EIPR1: variants seen among roughly 807,000 people sequenced by gnomAD.
EIPR1 encodes EARP complex and GARP complex interacting protein 1.
EIPR1 carries 25 observed loss-of-function variants against 48.1 expected under a neutral mutation model. That is an observed-to-expected ratio of 0.52 (90% CI 0.38 to 0.73). EIPR1 has a LOEUF of 0.73. Ranked by LOEUF, EIPR1 falls within the 30% of genes least tolerant of loss-of-function variation. The probability of loss-of-function intolerance (pLI) is 0.00; values close to 1 mark genes in which losing one functional copy is unlikely to be tolerated. For missense variants in EIPR1, 415 were observed against 506.2 expected, an observed-to-expected ratio of 0.82 and a Z score of 1.73; for synonymous variants, 204 against 201.9, an observed-to-expected ratio of 1.01 and a Z score of -0.09.
rs1316533109 is a variant in EIPR1 at position 3,372,093 on chromosome 2, C to A, written c.42+5555G>T. Among the ~76,000 whole-genome samples the A allele has an allele frequency of 2.0e-5, 3 of 151,160 alleles. No individual in the cohort carries two copies. The East Asian group carries it at 5.8e-4, about 29-fold the overall frequency. On this transcript the variant is annotated intron_variant, in intron 1 of 8. Coordinates refer to ENST00000382125, the MANE Select transcript of EIPR1 (RefSeq NM_003310.5). Reference sequence around the variant, plus strand: ...ATTAAGAAACTCATTCAAAACCGCTCAACTACATGGAAACTGAACAACCTG... The same window carrying A: ...ATTAAGAAACTCATTCAAAACCGCTAAACTACATGGAAACTGAACAACCTG...
chr2:3,272,790 A>C (rs534573328), intron 3 of EIPR1, among the ~76,000 whole-genome samples: 43 of 152,254 alleles, frequency 2.8e-4, no homozygotes, highest in Non-Finnish European at 5.1e-4. Flanking sequence ...AAAATGGGCC[A>C]ATAGATTTGA....
chr2:3,339,388 T>C (rs929923801), intron 2 of EIPR1, among the ~76,000 whole-genome samples: 2 of 152,200 alleles, frequency 1.3e-5, no homozygotes, highest in African/African-American at 4.8e-5. Flanking sequence ...TTTTAAACTG[T>C]CTCCACGATA....
At chr2:3,216,945 T>A (rs905611812) in intron 4 of EIPR1, among the ~76,000 whole-genome samples, 3 of 152,202 alleles carry the variant, frequency 2.0e-5, no homozygotes, top group Admixed American at 2.0e-4. Flanking sequence ...TCTGAACAAC[T>A]TTGAAGCTTC....
In EIPR1 at chr2:3,239,764, C is replaced by T. The variant is rs146938283; in HGVS notation, c.416+17535G>A. ...CGGTGCAGACACTCAGGGCATCCCC[C>T]TTCCTGGCTGCTCATTAACCCCAAC... On this transcript the variant is annotated intron_variant, in intron 4 of 8. Coordinates refer to ENST00000382125, the MANE Select transcript of EIPR1 (RefSeq NM_003310.5). Among the ~76,000 whole-genome samples the T allele has an allele frequency of 1.7e-3, 260 of 152,324 alleles. 2 individuals carry two copies. Among genetic ancestry groups the T allele is most frequent in the African/African-American group, 6.0e-3 (251 of 41,572 alleles).
chr2:3,325,378 G>A (rs1191295350), intron 3 of EIPR1, among the ~76,000 whole-genome samples: 1 of 152,204 alleles, frequency 6.6e-6, no homozygotes, highest in Non-Finnish European at 1.5e-5. Context: ...AAGGAGGTGG[G>A]GTCTTCAGAG....
At chr2:3,303,773 G>C (rs1313519765) in intron 3 of EIPR1, among the ~76,000 whole-genome samples, 1 of 152,152 alleles carries the variant, frequency 6.6e-6, no homozygotes, top group African/African-American at 2.4e-5. Context: ...TCTGCGCCCG[G>C]GAAGCTTCGC....
intron 1 of EIPR1, among the ~76,000 whole-genome samples, chr2:3,371,672 C>G (rs1671118227): frequency 6.6e-6 from 1 of 152,164 alleles, no homozygotes; most frequent in Non-Finnish European, 1.5e-5. Flanking sequence ...AATTCAACAA[C>G]AAGAGCTAAC....
chr2:3,322,065 G>A (rs1234953467), intron 3 of EIPR1, among the ~76,000 whole-genome samples: 1 of 152,180 alleles, frequency 6.6e-6, no homozygotes, highest in Non-Finnish European at 1.5e-5. Context: ...CAAAGACCTG[G>A]GCCCAGGGCA....
chr2:3,306,937 G>A (rs915470041), intron 3 of EIPR1, among the ~76,000 whole-genome samples: 4 of 151,830 alleles, frequency 2.6e-5, no homozygotes, highest in African/African-American at 4.8e-5. Context: ...ATAAATATAC[G>A]GTTTCAAACT....
intron 5 of EIPR1, chr2:3,208,940 A>C: frequency 6.6e-7 from 1 of 1,513,752 alleles, no homozygotes; most frequent in African/African-American, 1.4e-5. Context: ...CTCCTTCAGA[A>C]TGTTCAGATT....
chr2:3,336,182 C>T (rs898966438), intron 3 of EIPR1, among the ~76,000 whole-genome samples: 1 of 152,138 alleles, frequency 6.6e-6, no homozygotes, highest in Non-Finnish European at 1.5e-5. Flanking sequence ...TAGCAGGAGA[C>T]CAAGGCAGAG....
chr2:3,211,346 G>C (rs1383791623), intron 5 of EIPR1, among the ~76,000 whole-genome samples: 1 of 151,972 alleles, frequency 6.6e-6, no homozygotes, highest in Non-Finnish European at 1.5e-5. Flanking sequence ...AACAGAACAG[G>C]CTTTCCAAGG....
intron 3 of EIPR1, among the ~76,000 whole-genome samples, chr2:3,258,540 A>G (rs1667233493): frequency 6.6e-6 from 1 of 152,354 alleles, no homozygotes; most frequent in South Asian, 2.1e-4. Context: ...GAAGGAAAAC[A>G]GCATGGCATT....
chr2:3,365,715 CT>C (rs1670956237), intron 1 of EIPR1, among the ~76,000 whole-genome samples: 1 of 150,964 alleles, frequency 6.6e-6, no homozygotes. Flanking sequence ...CTTCAAGCAT[CT>C]GTTTAACAAA....
intron 3 of EIPR1, among the ~76,000 whole-genome samples, chr2:3,261,313 G>A (rs1572368991): frequency 1.3e-5 from 2 of 152,232 alleles, no homozygotes. Context: ...CGTACATAAC[G>A]TACATACATA....
At chr2:3,211,392 C>G (rs1665451455) in intron 5 of EIPR1, among the ~76,000 whole-genome samples, 1 of 152,162 alleles carries the variant, frequency 6.6e-6, no homozygotes. Context: ...CACCGACCGC[C>G]CACAAAGTTC....
At chr2:3,325,593 G>A (rs1014931758) in intron 3 of EIPR1, among the ~76,000 whole-genome samples, 2 of 152,140 alleles carry the variant, frequency 1.3e-5, no homozygotes, top group African/African-American at 2.4e-5. Flanking sequence ...TCTTCAGGGA[G>A]CCACACCAAT....
chr2:3,233,829 A>T (rs1350117413), intron 4 of EIPR1, among the ~76,000 whole-genome samples: 1 of 152,246 alleles, frequency 6.6e-6, no homozygotes, highest in East Asian at 1.9e-4. Context: ...ACAGCAATAG[A>T]GAAGTTACTT....
At position 3,312,389 on chromosome 2, in the gene EIPR1, T is replaced by C. The variant is rs1669155605; in HGVS notation, c.259+25628A>G. 6.6e-6 allele frequency among the ~76,000 whole-genome samples: 1 copy of C among 152,196 alleles called. No individual in the cohort carries two copies. ...GGCAAAGACAGTCCCTGGAAGGTTC[T>C]GTGTGCCTGCTGTGGGGATGAGACT... On this transcript the variant is annotated intron_variant, in intron 3 of 8. Coordinates refer to ENST00000382125, the MANE Select transcript of EIPR1 (RefSeq NM_003310.5). The surrounding 1 kb of genome is among the most constrained non-coding windows in gnomAD (Gnocchi z 5.5).
Sources: gnomAD v4.1 joint callset for allele counts (sites outside exome capture counted in the v4.1 genomes callset) on GRCh38, gnomAD v4.1.1 for gene constraint, Gnocchi (gnomAD v3.1) non-coding constraint, MANE v1.5 for transcripts, NCBI Gene and HGNC (gene_info 2026-07-23, HGNC 2026-07-21) for gene names.